COL15A1: variants seen among roughly 807,000 people sequenced by gnomAD.
The protein encoded by COL15A1 is collagen alpha-1(XV) chain.
COL15A1 carries 111 observed loss-of-function variants against 165.9 expected under a neutral mutation model. That is an observed-to-expected ratio of 0.67 (90% CI 0.57 to 0.78). The LOEUF is 0.78. Among genes scored for constraint, COL15A1 ranks in the 30% least tolerant of loss-of-function variants. The pLI is 0.00. For missense variants in COL15A1, 1,745 were observed against 1,789.7 expected, an observed-to-expected ratio of 0.98 and a Z score of 0.45; for synonymous variants, 659 against 674.8, an observed-to-expected ratio of 0.98 and a Z score of 0.36.
chr9:99,058,837 CTGTG>C (rs1381585856), intron 35 of COL15A1, among the ~76,000 whole-genome samples: 1 of 152,136 alleles, frequency 6.6e-6, no homozygotes, highest in Non-Finnish European at 1.5e-5. Context: ...CATTTGCCAC[CTGTG>C]TGTGGGTGTT....
Position 98,986,069 on chromosome 9 carries a change from T to G in COL15A1, c.605T>G (p.Ile202Ser). ...TTGGCTTTTGAGTCCAGCGCTGGAA[T>G]CTTCATGGGCAATGCAGGAGCTACA... ...QALAFESSAG[I>S]FMGNAGATGL... The change falls in exon 3 of 42, where the codon ATC becomes AGC. Residue 202 changes from isoleucine (I) to serine (S), a missense_variant. By Grantham distance (142) the Ile-to-Ser change is moderately radical. Transcript: ENST00000375001. 1 of 1,613,904 alleles carries G rather than the reference T, an allele frequency of 6.2e-7. No individual in the cohort carries two copies. Among genetic ancestry groups the G allele is most frequent in the Non-Finnish European group, 8.5e-7 (1 of 1,180,012 alleles).
chr9:98,944,210 C>T lies in COL15A1; in HGVS notation c.60C>T (p.Ser20=), dbSNP rs771281346. The part of the protein sequence containing the change: ...CWCLLMLLSV[S]TPLPAVTQTR... ...GTCTGCTGATGCTGCTCTCGGTCTC[C>T]ACGCCCCTCCCTGCTGTCACCCAGA... The change falls in exon 2 of 42, where the codon TCC becomes TCT. Residue 20 remains serine (S), a synonymous_variant. Transcript: ENST00000375001. The T allele has an allele frequency of 6.2e-7, 1 of 1,614,096 alleles. No homozygotes were observed. The highest frequency in any genetic ancestry group is 1.1e-5 in the South Asian group (1 of 91,086).
At chr9:99,024,285 G>GTTTTTTTTTTTTTTTTTTTTT (rs1016769818) in intron 14 of COL15A1, among the ~76,000 whole-genome samples, 1 of 129,508 alleles carries the variant, frequency 7.7e-6, no homozygotes, top group Non-Finnish European at 1.6e-5. Flanking sequence ...TTGTTTTTTT[G>GTTTTTTTTTTTTTTTTTTTTT]TTTTTTTTTT....
chr9:99,036,217 G>A lies in COL15A1; in HGVS notation c.2325+12G>A. On this transcript the variant is annotated intron_variant, in intron 20 of 41. Coordinates refer to ENST00000375001, the MANE Select transcript of COL15A1 (RefSeq NM_001855.5). ...ACCGGGGACCCAAGGTGAGGTCACA[G>A]AGCCAAGGTGGGGGTGGGAGGGCTT... is the stretch of plus-strand genomic sequence containing the variant. 6.2e-7 allele frequency: 1 copy of A among 1,613,492 alleles called. No homozygotes were observed. Among genetic ancestry groups the A allele is most frequent in the Middle Eastern group, 1.7e-4 (1 of 6,060 alleles).
intron 2 of COL15A1, among the ~76,000 whole-genome samples, chr9:98,976,185 T>C (rs568196307): frequency 1.3e-5 from 2 of 152,234 alleles, no homozygotes; most frequent in South Asian, 2.1e-4. Context: ...AGAAATATGA[T>C]CAAATTCATG....
At position 99,069,826 on chromosome 9, in the gene COL15A1, TGCTAATCG is replaced by T; in HGVS notation, c.4114_4121del (p.Arg1372CysfsTer13). 6.2e-7 allele frequency: 1 copy of T among 1,614,202 alleles called. No homozygotes were observed. The highest frequency in any genetic ancestry group is 8.5e-7 in the Non-Finnish European group (1 of 1,180,008). ...TTCTGGACCAGAAAGCATACAGCTG[TGCTAATCG>T]GCTAATTGTCCTATGTATCGAAAAC... is the stretch of plus-strand genomic sequence containing the variant. On this transcript the variant is annotated frameshift_variant, in exon 42 of 42. Transcript: ENST00000375001. LOFTEE classifies it high-confidence loss of function.
intron 40 of COL15A1, 127 bp downstream of exon 40, chr9:99,067,194 T>A: frequency 2.5e-6 from 2 of 807,878 alleles, no homozygotes; most frequent in Non-Finnish European, 3.8e-6. Flanking sequence ...TTACTGGCTA[T>A]GTCACTTTGG....
chr9:98,999,564 C>A (rs904545908), intron 6 of COL15A1, among the ~76,000 whole-genome samples: 3 of 151,214 alleles, frequency 2.0e-5, no homozygotes, highest in African/African-American at 7.3e-5. Context: ...TGCTCTGTCA[C>A]CCAGGCTGGA....
chr9:98,996,797 A>G, intron 5 of COL15A1, 137 bp from the exon 6 acceptor site: 1 of 1,330,784 alleles, frequency 7.5e-7, no homozygotes, highest in Non-Finnish European at 1.0e-6. Context: ...CCAGGTAGAC[A>G]CCAAGTGGGG....
chr9:99,034,489 A>G lies in COL15A1; in HGVS notation c.2044-60A>G, dbSNP rs191892399. On this transcript the variant is annotated intron_variant, in intron 16 of 41. Transcript: ENST00000375001. ...GAGTCCATAATTGTGCATTGTCTTC[A>G]GAACACACCTCATGACATATGCATT... 40 of 1,544,964 alleles carry G rather than the reference A, an allele frequency of 2.6e-5. No homozygotes were observed. The Admixed American group carries it at 5.4e-4, about 21-fold the overall frequency.
In COL15A1 at chr9:99,029,656, G is replaced by T. The variant is rs187663691; in HGVS notation, c.2043+3690G>T. On this transcript the variant is annotated intron_variant, in intron 16 of 41. Transcript: ENST00000375001. ...ACCAAATAGATGGCTGGGTACGGTG[G>T]CTCACTCCTGTAATCCCAGCACTTT... is the stretch of plus-strand genomic sequence containing the variant. Among the ~76,000 whole-genome samples the T allele has an allele frequency of 2.1e-3, 326 of 152,232 alleles. 3 individuals carry two copies. Among genetic ancestry groups the T allele is most frequent in the African/African-American group, 7.6e-3 (317 of 41,534 alleles).
At chr9:99,012,105 A>G (rs1838855658) in intron 9 of COL15A1, among the ~76,000 whole-genome samples, 1 of 152,254 alleles carries the variant, frequency 6.6e-6, no homozygotes, top group Non-Finnish European at 1.5e-5. Context: ...TGATCAATAA[A>G]TGCAAACAAA....
intron 14 of COL15A1, 59 bp from the exon 15 acceptor site, chr9:99,024,815 T>C: frequency 1.3e-6 from 2 of 1,562,462 alleles, no homozygotes; most frequent in Middle Eastern, 3.4e-4. Context: ...ATGAAGCACA[T>C]ACTCAGTATC....
At chr9:98,947,604 G>T (rs1402076821) in intron 2 of COL15A1, among the ~76,000 whole-genome samples, 1 of 152,162 alleles carries the variant, frequency 6.6e-6, no homozygotes, top group Non-Finnish European at 1.5e-5. Context: ...CTTCAAGGTG[G>T]GGTTCCTAGC....
intron 9 of COL15A1, among the ~76,000 whole-genome samples, chr9:99,013,975 T>G (rs567794844): frequency 9.2e-5 from 11 of 119,118 alleles, no homozygotes; most frequent in East Asian, 3.8e-4. Flanking sequence ...GCATGTTGTG[T>G]TTTTTTTTCC....
intron 21 of COL15A1, 27 bp from the exon 22 acceptor site, chr9:99,038,641 C>G (rs765534678): frequency 7.0e-7 from 1 of 1,423,638 alleles, no homozygotes; most frequent in Non-Finnish European, 9.9e-7. Context: ...ATCCTTTGTC[C>G]TCATTGTCTG....
At position 98,944,044 on chromosome 9, in the gene COL15A1, G is replaced by A. The variant is rs765903313; in HGVS notation, c.-18G>A. ...CTCGACTAGCCGCGCGCCTTCCGGGGCTCCGCAGACCCGCGAGATGGCACC... is the reference window on the plus strand; with the variant it reads ...CTCGACTAGCCGCGCGCCTTCCGGGACTCCGCAGACCCGCGAGATGGCACC... On this transcript the variant is annotated 5_prime_UTR_variant, in exon 1 of 42. Coordinates refer to ENST00000375001, the MANE Select transcript of COL15A1 (RefSeq NM_001855.5). The A allele has an allele frequency of 6.2e-6, 10 of 1,613,836 alleles. No individual in the cohort carries two copies. The highest frequency in any genetic ancestry group is 2.2e-5 in the East Asian group (1 of 44,880).
chr9:99,003,390 C>T (rs1331529645), intron 7 of COL15A1, 63 bp from the exon 8 acceptor site: 1 of 1,345,322 alleles, frequency 7.4e-7, no homozygotes, highest in South Asian at 1.9e-5. Flanking sequence ...TCTGTTCTCA[C>T]CAGCCACAGG....
intron 35 of COL15A1, among the ~76,000 whole-genome samples, chr9:99,059,392 CT>C (rs35562362): frequency 0.14 from 20,816 of 152,188 alleles, 1,462 homozygotes; most frequent in South Asian, 0.2. Context: ...AATGGACAAA[CT>C]TAAGGACTTG....
Sources: allele counts gnomAD v4.1 joint callset (sites outside exome capture counted in the v4.1 genomes callset), GRCh38; gene constraint gnomAD v4.1.1; transcripts MANE v1.5; gene names NCBI Gene and HGNC (gene_info 2026-07-23, HGNC 2026-07-21).